HS6ST2: variants seen among roughly 807,000 people sequenced by gnomAD.
The protein encoded by HS6ST2 is heparan sulfate 6-O-sulfotransferase 2.
In HS6ST2, 17 loss-of-function variants were observed where a neutral mutation model predicts 33.0. The ratio of observed to expected loss-of-function variants is 0.52; its 90% CI spans 0.35 to 0.77. The LOEUF is 0.77. HS6ST2 is among the 30% of genes least tolerant of loss of function. HS6ST2 has a pLI of 0.01. For synonymous variants in HS6ST2, 248 were observed against 237.1 expected (o/e 1.05, Z -0.42); for missense variants, 519 against 551.7 (o/e 0.94, Z 0.59).
At chrX:132,924,428 T>C (rs1270200005) in intron 2 of HS6ST2, among the ~76,000 whole-genome samples, 1 of 112,076 alleles carries the variant, frequency 8.9e-6, no homozygotes, top group East Asian at 2.8e-4. Context: ...TCGCTTAGCC[T>C]AAAATTAAAA....
intron 2 of HS6ST2, among the ~76,000 whole-genome samples, chrX:132,800,243 C>T (rs953176808): frequency 9.0e-6 from 1 of 111,314 alleles, no homozygotes; most frequent in Non-Finnish European, 1.9e-5. Context: ...AGTGCAAACC[C>T]TATTGTGAAC....
At chrX:132,745,278 G>T (rs953759225) in intron 2 of HS6ST2, among the ~76,000 whole-genome samples, 1 of 111,602 alleles carries the variant, frequency 9.0e-6, no homozygotes, top group Non-Finnish European at 1.9e-5. Flanking sequence ...TGGAAACAGG[G>T]TTTCACCATA....
intron 2 of HS6ST2, among the ~76,000 whole-genome samples, chrX:132,811,685 AATATATATATATAT>A (rs56390608): frequency 6.7e-4 from 20 of 29,806 alleles, no homozygotes; most frequent in African/African-American, 9.2e-4. Context: ...AAGGCTGAAT[AATATATATATATAT>A]ATATATATAT....
At chrX:132,673,134 G>A (rs899070725) in intron 3 of HS6ST2, among the ~76,000 whole-genome samples, 30 of 112,482 alleles carry the variant, frequency 2.7e-4, no homozygotes, top group Non-Finnish European at 3.6e-4. Context: ...AACAGGTTTG[G>A]CTATGATATT....
chrX:132,951,938 A>G (rs994035109), intron 2 of HS6ST2, among the ~76,000 whole-genome samples: 30 of 112,309 alleles, frequency 2.7e-4, no homozygotes, highest in African/African-American at 9.1e-4. Context: ...CTGTTCTACC[A>G]TAAGCTCTGT....
intron 2 of HS6ST2, among the ~76,000 whole-genome samples, chrX:132,712,569 C>T (rs951290309): frequency 7.2e-5 from 8 of 111,781 alleles, no homozygotes; most frequent in Admixed American, 2.8e-4. Context: ...AAATGCTTGA[C>T]CTCAGCCTTT....
intron 2 of HS6ST2, among the ~76,000 whole-genome samples, chrX:132,820,738 G>A (rs747144758): frequency 1.1e-4 from 11 of 95,969 alleles, no homozygotes; most frequent in South Asian, 5.8e-4. Flanking sequence ...TGGGGCATGA[G>A]CACTGTAATC....
At chrX:132,932,728 T>C (rs1256310192) in intron 2 of HS6ST2, among the ~76,000 whole-genome samples, 2 of 109,419 alleles carry the variant, frequency 1.8e-5, no homozygotes, top group Non-Finnish European at 3.8e-5. Flanking sequence ...TTGAAACTAA[T>C]GAAAACCATA....
chrX:132,687,076 C>G (rs111368566), intron 3 of HS6ST2, among the ~76,000 whole-genome samples: 78 of 112,199 alleles, frequency 7.0e-4, no homozygotes, highest in African/African-American at 2.4e-3. Context: ...CTTTCTGCAT[C>G]CCTTCTAGAC....
In HS6ST2 at chrX:132,742,296, A is replaced by G. The variant is rs952144413; in HGVS notation, c.948-33802T>C. Among the ~76,000 whole-genome samples the G allele has an allele frequency of 4.5e-5, 5 of 112,110 alleles. No homozygotes were observed. In the Middle Eastern group the frequency reaches 0.018, roughly 413 times the overall value. On this transcript the variant is annotated intron_variant, in intron 2 of 4. Coordinates refer to ENST00000370833, the MANE Select transcript of HS6ST2 (RefSeq NM_001394073.1). ...TGGATTCAGCTGTTTCTCTTAAGTCACTAAAATAGTCAAAGTTCAAATCTG... is the reference window on the plus strand; with the variant it reads ...TGGATTCAGCTGTTTCTCTTAAGTCGCTAAAATAGTCAAAGTTCAAATCTG...
At chrX:132,762,435 A>G (rs1486000086) in intron 2 of HS6ST2, among the ~76,000 whole-genome samples, 1 of 112,402 alleles carries the variant, frequency 8.9e-6, no homozygotes, top group Non-Finnish European at 1.9e-5. Context: ...TAAACTTCAA[A>G]TTACTTAATA....
chrX:132,915,716 T>C (rs2066579886), intron 2 of HS6ST2, among the ~76,000 whole-genome samples: 1 of 110,527 alleles, frequency 9.0e-6, no homozygotes, highest in African/African-American at 3.3e-5. Flanking sequence ...ACATAAAATG[T>C]TCTTATCATT....
In HS6ST2 at chrX:132,676,446, A is replaced by G. The variant is rs776419237; in HGVS notation, c.981-7247T>C. On this transcript the variant is annotated intron_variant, in intron 3 of 4. Transcript: ENST00000370833. ...ACAACTGCCTATGCTTGGGAAAGTT[A>G]GGGAAAGCAAAGGTAAATGTGAGTT... Among the ~76,000 whole-genome samples the G allele has an allele frequency of 8.0e-5, 9 of 112,772 alleles. No individual in the cohort carries two copies. The Admixed American group carries it at 8.4e-4, about 11-fold the overall frequency.
At chrX:132,839,078 C>A (rs866785847) in intron 2 of HS6ST2, among the ~76,000 whole-genome samples, 109 of 80,746 alleles carry the variant, frequency 1.3e-3, no homozygotes, top group African/African-American at 1.7e-3. Flanking sequence ...GAAGATTCCT[C>A]AAAAAAAAAA....
intron 2 of HS6ST2, among the ~76,000 whole-genome samples, chrX:132,753,276 A>G (rs984343002): frequency 8.9e-6 from 1 of 111,807 alleles, no homozygotes; most frequent in African/African-American, 3.3e-5. Context: ...TATGCTAAGG[A>G]GAAGGTTGTG....
chrX:132,665,432 G>A (rs1055467077), intron 4 of HS6ST2, among the ~76,000 whole-genome samples: 8 of 111,858 alleles, frequency 7.2e-5, no homozygotes, highest in African/African-American at 2.6e-4. Context: ...CCTTTCTTGA[G>A]TCTCAGTGTC....
At chrX:132,796,260 C>T (rs2065178021) in intron 2 of HS6ST2, among the ~76,000 whole-genome samples, 1 of 112,065 alleles carries the variant, frequency 8.9e-6, no homozygotes, top group Non-Finnish European at 1.9e-5. Context: ...TCACATCTAA[C>T]TTGTTTCTGT....
chrX:132,772,906 T>G (rs1455200130), intron 2 of HS6ST2, among the ~76,000 whole-genome samples: 1 of 89,635 alleles, frequency 1.1e-5, no homozygotes. Context: ...TAATATAAAA[T>G]ATAATATATT....
At chrX:132,762,053 C>T (rs2064808933) in intron 2 of HS6ST2, among the ~76,000 whole-genome samples, 1 of 111,971 alleles carries the variant, frequency 8.9e-6, no homozygotes, top group Non-Finnish European at 1.9e-5. Context: ...AGAATATTAG[C>T]TATTACTGAT....
Sources: allele counts gnomAD v4.1 joint callset (sites outside exome capture counted in the v4.1 genomes callset), GRCh38; gene constraint gnomAD v4.1.1; transcripts MANE v1.5; gene names NCBI Gene and HGNC (gene_info 2026-07-23, HGNC 2026-07-21).